The following BMERB1 variants were observed in gnomAD, a reference collection of about 807,000 sequenced individuals.
BMERB1 encodes bMERB domain-containing protein 1.
BMERB1 carries 12 observed loss-of-function variants against 23.6 expected under a neutral mutation model. The observed-to-expected ratio is 0.51, with a 90% CI of 0.33 to 0.82. The LOEUF is 0.82. Among genes scored for constraint, BMERB1 ranks in the 40% least tolerant of loss-of-function variants. BMERB1 has a pLI of 0.03. For synonymous variants in BMERB1, 122 were observed against 96.6 expected (o/e 1.26, Z -1.54); for missense variants, 247 against 255.4 (o/e 0.97, Z 0.22).
chr16:15,587,398 A>T lies in BMERB1; in HGVS notation c.*569A>T. ...AGTCCCAGAGGGCCCATCTGTAAAGATCGAGCTTGTGTGTGGTGTCGTGGT... is the reference window on the plus strand; with the variant it reads ...AGTCCCAGAGGGCCCATCTGTAAAGTTCGAGCTTGTGTGTGGTGTCGTGGT... On this transcript the variant is annotated 3_prime_UTR_variant, in exon 6 of 6. Transcript: ENST00000300006. The T allele has an allele frequency of 3.5e-6, 1 of 288,604 alleles. No homozygotes were observed. The highest frequency in any genetic ancestry group is 4.1e-5 in the Admixed American group (1 of 24,516). 17.9% of individuals were successfully genotyped at this position (288,604 alleles called of 1,614,324 possible). A position where few individuals can be genotyped will look rare whatever the true frequency, so the allele number is the denominator to read the frequency against.
At chr16:15,452,683 A>G (rs1432079163) in intron 1 of BMERB1, among the ~76,000 whole-genome samples, 1 of 152,196 alleles carries the variant, frequency 6.6e-6, no homozygotes, top group Non-Finnish European at 1.5e-5. Context: ...CAGCTTTGCA[A>G]CTGCTGCTCG....
chr16:15,538,674 C>A (rs546564941), intron 2 of BMERB1, among the ~76,000 whole-genome samples: 2 of 152,264 alleles, frequency 1.3e-5, no homozygotes, highest in East Asian at 3.9e-4. Flanking sequence ...TGATTAAATT[C>A]GGAAAGCTTG....
intron 1 of BMERB1, among the ~76,000 whole-genome samples, chr16:15,464,822 A>G (rs1451961500): frequency 6.6e-6 from 1 of 152,018 alleles, no homozygotes; most frequent in Non-Finnish European, 1.5e-5. Flanking sequence ...TCTTTATTGC[A>G]CCCTGTTTTA....
chr16:15,519,494 G>A (rs773651061), intron 2 of BMERB1, among the ~76,000 whole-genome samples: 20 of 152,144 alleles, frequency 1.3e-4, no homozygotes, highest in African/African-American at 4.1e-4. Context: ...GGGTTCAAGC[G>A]ATTCTTGTGC....
intron 3 of BMERB1, among the ~76,000 whole-genome samples, chr16:15,575,752 T>C (rs1373300378): frequency 6.6e-6 from 1 of 152,180 alleles, no homozygotes; most frequent in Non-Finnish European, 1.5e-5. Flanking sequence ...CGTTGGCTAC[T>C]TGGTGTACAC....
At chr16:15,486,607 G>A (rs192155715) in intron 1 of BMERB1, among the ~76,000 whole-genome samples, 1 of 152,304 alleles carries the variant, frequency 6.6e-6, no homozygotes, top group East Asian at 1.9e-4. Flanking sequence ...GAGTTCCATT[G>A]TATCAACATG....
At chr16:15,491,351 TTTTC>T (rs1261978096) in intron 1 of BMERB1, among the ~76,000 whole-genome samples, 1 of 152,228 alleles carries the variant, frequency 6.6e-6, no homozygotes, top group Middle Eastern at 3.4e-3. Flanking sequence ...TGACTTTTTT[TTTTC>T]TTTCTTTCTT....
intron 2 of BMERB1, among the ~76,000 whole-genome samples, chr16:15,567,049 C>T (rs573001789): frequency 6.6e-6 from 1 of 151,874 alleles, no homozygotes; most frequent in Admixed American, 6.6e-5. Context: ...AGCCTGTAGT[C>T]CCAGCTACTC....
chr16:15,471,739 C>T (rs1318169036), intron 1 of BMERB1, among the ~76,000 whole-genome samples: 1 of 152,116 alleles, frequency 6.6e-6, no homozygotes, highest in East Asian at 1.9e-4. Context: ...GCATGCACCA[C>T]CACGCCTGGC....
intron 3 of BMERB1, among the ~76,000 whole-genome samples, chr16:15,569,175 C>T (rs1298841864): frequency 6.6e-6 from 1 of 151,960 alleles, no homozygotes; most frequent in Non-Finnish European, 1.5e-5. Context: ...GAGATCTCAC[C>T]ACTGCACTTC....
intron 2 of BMERB1, among the ~76,000 whole-genome samples, chr16:15,538,438 C>T (rs1033903527): frequency 3.3e-5 from 5 of 150,656 alleles, no homozygotes; most frequent in African/African-American, 1.2e-4. Context: ...GGTGACAGAG[C>T]AAGACTCTGT....
At chr16:15,443,254 C>CA (rs34699173) in intron 1 of BMERB1, among the ~76,000 whole-genome samples, 49,621 of 148,766 alleles carry the variant, frequency 0.33, 9,030 homozygotes, top group Middle Eastern at 0.48. Context: ...GACCCTGTCT[C>CA]AAAAAAAAAC....
intron 1 of BMERB1, among the ~76,000 whole-genome samples, chr16:15,465,803 A>G (rs909753981): frequency 2.6e-5 from 4 of 152,184 alleles, no homozygotes; most frequent in East Asian, 1.9e-4. Flanking sequence ...CTTTTACTGT[A>G]TTATGTGCAT....
chr16:15,456,500 C>A (rs576163929), intron 1 of BMERB1, among the ~76,000 whole-genome samples: 1 of 152,068 alleles, frequency 6.6e-6, no homozygotes, highest in South Asian at 2.1e-4. Context: ...CCACACCCAG[C>A]TACTTTTTGT....
At chr16:15,475,464 A>G (rs2051267344) in intron 1 of BMERB1, among the ~76,000 whole-genome samples, 1 of 152,224 alleles carries the variant, frequency 6.6e-6, no homozygotes, top group Non-Finnish European at 1.5e-5. Flanking sequence ...AGTTTATTAC[A>G]GGGAAAGAGT....
At chr16:15,545,471 T>G (rs1186979387) in intron 2 of BMERB1, among the ~76,000 whole-genome samples, 1 of 152,104 alleles carries the variant, frequency 6.6e-6, no homozygotes, top group East Asian at 1.9e-4. Context: ...CTCTGACGCT[T>G]CTTTTGGTTA....
At chr16:15,436,444 A>C (rs866913794) in intron 1 of BMERB1, among the ~76,000 whole-genome samples, 1 of 151,904 alleles carries the variant, frequency 6.6e-6, no homozygotes, top group African/African-American at 2.4e-5. Context: ...TTTTTAGTAG[A>C]GATGGGGTTT....
intron 2 of BMERB1, among the ~76,000 whole-genome samples, chr16:15,551,115 A>G (rs1399930538): frequency 1.3e-5 from 2 of 152,174 alleles, no homozygotes; most frequent in Admixed American, 1.3e-4. Context: ...CACTCGAATG[A>G]CGGATGTTTA....
chr16:15,502,344 CG>C, intron 1 of BMERB1: 1 of 1,551,146 alleles, frequency 6.4e-7, no homozygotes. Context: ...CTCACAGAGA[CG>C]GGATGTATGG....
Sources: gnomAD v4.1 joint callset for allele counts (sites outside exome capture counted in the v4.1 genomes callset) on GRCh38, gnomAD v4.1.1 for gene constraint, MANE v1.5 for transcripts, NCBI Gene and HGNC (gene_info 2026-07-23, HGNC 2026-07-21) for gene names.